The following RBFOX1 variants were observed in gnomAD, a reference collection of about 807,000 sequenced individuals.
RBFOX1 encodes RNA binding fox-1 homolog 1, also known as RNA binding protein fox-1 homolog 1.
RBFOX1 carries 8 observed loss-of-function variants against 57.7 expected under a neutral mutation model. The ratio of observed to expected loss-of-function variants is 0.14; its 90% CI spans 0.08 to 0.25. The LOEUF (loss-of-function observed/expected upper bound fraction) is 0.25, where lower values mean the gene tolerates loss of function less well. Among genes scored for constraint, RBFOX1 ranks in the 10% least tolerant of loss-of-function variants. The pLI is 1.00. For missense variants in RBFOX1, 611 were observed against 548.5 expected (o/e 1.11, Z -1.14); for synonymous variants, 326 against 222.4 (o/e 1.47, Z -4.15).
At chr16:6,729,443 G>A (rs1052695589) in intron 3 of RBFOX1, among the ~76,000 whole-genome samples, 3 of 152,174 alleles carry the variant, frequency 2.0e-5, no homozygotes, top group African/African-American at 7.2e-5. Flanking sequence ...GCTAAAAGGT[G>A]AGGAAGATAG....
chr16:5,502,240 A>G (rs551640014), intron 2 of RBFOX1, among the ~76,000 whole-genome samples: 69 of 152,244 alleles, frequency 4.5e-4, no homozygotes, highest in African/African-American at 1.6e-3. Context: ...TCCTCAGGAA[A>G]TCTTTAGGAA....
Position 7,174,390 on chromosome 16 carries a change from C to T in RBFOX1, c.27+122292C>T, listed in dbSNP as rs369313356. On this transcript the variant is annotated intron_variant, in intron 4 of 15. Transcript: ENST00000550418. Reference sequence around the variant, plus strand: ...GAATGTTACTATGAACACTTGTTTCCAAGTTCTTGGGTGGATATATGCTTT... The same window carrying T: ...GAATGTTACTATGAACACTTGTTTCTAAGTTCTTGGGTGGATATATGCTTT... Among the ~76,000 whole-genome samples, 5 of 152,158 alleles carry T rather than the reference C, an allele frequency of 3.3e-5. No individual in the cohort carries two copies. The South Asian group carries it at 1.0e-3, about 32-fold the overall frequency.
At chr16:5,978,128 C>CAAAAAAAAAAAAAAAAAAAAA (rs140908065) in intron 4 of RBFOX1, among the ~76,000 whole-genome samples, 1 of 31,516 alleles carries the variant, frequency 3.2e-5, no homozygotes, top group Non-Finnish European at 5.2e-5. Flanking sequence ...CTGTCTCTTC[C>CAAAAAAAAAAAAAAAAAAAAA]AAAAAAAAAA....
chr16:5,629,301 G>T (rs570038862), intron 3 of RBFOX1, among the ~76,000 whole-genome samples: 67 of 152,282 alleles, frequency 4.4e-4, no homozygotes, highest in Non-Finnish European at 3.4e-4. Flanking sequence ...ACAACATTTA[G>T]GGCTCAGGTG....
chr16:5,770,647 G>T (rs563729901), intron 3 of RBFOX1, among the ~76,000 whole-genome samples: 18 of 152,246 alleles, frequency 1.2e-4, no homozygotes, highest in African/African-American at 4.1e-4. Context: ...TACTCTGTTG[G>T]CTCACTCTTG....
intron 3 of RBFOX1, among the ~76,000 whole-genome samples, chr16:6,935,523 A>G (rs1008660298): frequency 1.3e-5 from 2 of 152,226 alleles, no homozygotes; most frequent in African/African-American, 4.8e-5. Flanking sequence ...TCATGGCAAT[A>G]GATAACTCAC....
At chr16:7,554,956 C>A (rs1398338918) in intron 5 of RBFOX1, among the ~76,000 whole-genome samples, 1 of 152,112 alleles carries the variant, frequency 6.6e-6, no homozygotes, top group African/African-American at 2.4e-5. Flanking sequence ...AAGTAGAACA[C>A]TAAGGAAATG....
intron 3 of RBFOX1, among the ~76,000 whole-genome samples, chr16:5,680,689 G>A (rs2050305511): frequency 1.3e-5 from 2 of 152,206 alleles, no homozygotes; most frequent in Non-Finnish European, 2.9e-5. Flanking sequence ...TAACCTTGGA[G>A]AATGCCAAAC....
At chr16:5,840,681 G>A (rs897212692) in intron 3 of RBFOX1, among the ~76,000 whole-genome samples, 1 of 152,200 alleles carries the variant, frequency 6.6e-6, no homozygotes, top group Non-Finnish European at 1.5e-5. Context: ...GAGGCCGTGG[G>A]TCACCACTGC....
chr16:6,639,161 A>G (rs190161367), intron 2 of RBFOX1, among the ~76,000 whole-genome samples: 128 of 152,298 alleles, frequency 8.4e-4, no homozygotes, highest in African/African-American at 2.7e-3. Context: ...TTTTTTTCAA[A>G]TCATGTGCGC....
At chr16:6,663,412 T>G (rs1235269289) in intron 3 of RBFOX1, among the ~76,000 whole-genome samples, 1 of 152,126 alleles carries the variant, frequency 6.6e-6, no homozygotes, top group African/African-American at 2.4e-5. Context: ...GCCAGCAGGA[T>G]TTGTTTCTAT....
intron 7 of RBFOX1, among the ~76,000 whole-genome samples, chr16:7,590,545 T>C (rs190517754): frequency 1.3e-5 from 2 of 152,150 alleles, no homozygotes; most frequent in Admixed American, 6.5e-5. Context: ...TATGCAGATA[T>C]AGCTACTCCC....
In RBFOX1 at chr16:7,052,093, C is replaced by T. The variant is rs765406909; in HGVS notation, c.22C>T (p.Leu8=). The T allele has an allele frequency of 3.9e-5, 63 of 1,609,456 alleles. No individual in the cohort carries two copies. In the Middle Eastern group the frequency reaches 1.5e-3, roughly 38 times the overall value. ...ACAGATGAATTGTGAAAGAGAGCAG[C>T]TAAGGGTAGGTGCACCTGCTTGTAA... The part of the protein sequence containing the change: MNCEREQ[L]RGNQEAAAAP... The change falls in exon 4 of 16, where the codon CTA becomes TTA. Residue 8 remains leucine (L), a synonymous_variant. Coordinates refer to ENST00000550418, the MANE Select transcript of RBFOX1 (RefSeq NM_018723.4).
chr16:5,451,694 G>C (rs1175012768), intron 1 of RBFOX1, among the ~76,000 whole-genome samples: 1 of 152,222 alleles, frequency 6.6e-6, no homozygotes, highest in Non-Finnish European at 1.5e-5. Flanking sequence ...CATCGTCCCT[G>C]GTTTTAATGA....
chr16:6,952,260 C>T (rs972370608), intron 3 of RBFOX1, among the ~76,000 whole-genome samples: 1 of 152,138 alleles, frequency 6.6e-6, no homozygotes, highest in African/African-American at 2.4e-5. Context: ...CTGTAGATTT[C>T]TGGTTCTAAA....
intron 1 of RBFOX1, among the ~76,000 whole-genome samples, chr16:5,243,909 T>A (rs1485066687): frequency 6.6e-6 from 1 of 152,164 alleles, no homozygotes; most frequent in Non-Finnish European, 1.5e-5. Context: ...ATTTTTATTT[T>A]TTTTTAAGAT....
At chr16:6,664,419 G>A (rs1021367247) in intron 3 of RBFOX1, among the ~76,000 whole-genome samples, 9 of 152,162 alleles carry the variant, frequency 5.9e-5, no homozygotes, top group Non-Finnish European at 1.0e-4. Context: ...AATGTGCGCG[G>A]TCATCTAGCG....
chr16:6,162,089 A>G (rs1396875544), intron 1 of RBFOX1, among the ~76,000 whole-genome samples: 1 of 152,234 alleles, frequency 6.6e-6, no homozygotes, highest in Non-Finnish European at 1.5e-5. Context: ...CACACAATGC[A>G]GATTTCCAAA....
intron 3 of RBFOX1, among the ~76,000 whole-genome samples, chr16:5,778,421 G>A (rs2054216660): frequency 6.6e-6 from 1 of 152,148 alleles, no homozygotes; most frequent in Non-Finnish European, 1.5e-5. Flanking sequence ...TTCACAATCT[G>A]ATGGGCTTCA....
Sources: gnomAD v4.1 joint callset for allele counts (sites outside exome capture counted in the v4.1 genomes callset) on GRCh38, gnomAD v4.1.1 for gene constraint, MANE v1.5 for transcripts, NCBI Gene and HGNC (gene_info 2026-07-23, HGNC 2026-07-21) for gene names.